NRG1: variants seen among roughly 807,000 people sequenced by gnomAD.
NRG1 encodes the protein neuregulin 1, also known as pro-neuregulin-1, membrane-bound isoform.
In NRG1, 18 loss-of-function variants were observed where a neutral mutation model predicts 63.8. That is an observed-to-expected ratio of 0.28 (90% CI 0.19 to 0.42). NRG1 has a LOEUF of 0.42. NRG1 is among the 10% of genes least tolerant of loss of function. NRG1 has a pLI of 1.00. For synonymous variants in NRG1, 302 were observed against 301.3 expected (o/e 1.00, Z -0.02); for missense variants, 762 against 814.7 (o/e 0.94, Z 0.79).
At chr8:32,489,259 G>T (rs74687373) in intron 1 of NRG1, among the ~76,000 whole-genome samples, 1 of 152,096 alleles carries the variant, frequency 6.6e-6, no homozygotes, top group Admixed American at 6.6e-5. Context: ...GGCGTTCTTC[G>T]GGTGAATGCC....
chr8:31,961,372 G>A (rs149933077), intron 1 of NRG1, among the ~76,000 whole-genome samples: 1,578 of 152,216 alleles, frequency 0.01, 96 homozygotes, highest in Admixed American at 0.093. Context: ...CAGCTTAAAA[G>A]CAGAAAGTTG....
chr8:32,473,342 C>T lies in NRG1; in HGVS notation c.38-122486C>T, dbSNP rs185954020. On this transcript the variant is annotated intron_variant, in intron 1 of 10. Coordinates refer to the NRG1 transcript ENST00000519301. ...TTGACTTCAGAAATAATCTGGTAAA[C>T]GAAATCTTTTCGAGGCTCTTCATTT... Among the ~76,000 whole-genome samples, 227 of 152,194 alleles carry T rather than the reference C, an allele frequency of 1.5e-3. 1 individual carries two copies. Among genetic ancestry groups the T allele is most frequent in the Non-Finnish European group, 2.6e-3 (178 of 68,006 alleles).
chr8:32,106,292 A>G (rs1297308488), intron 1 of NRG1, among the ~76,000 whole-genome samples: 1 of 152,206 alleles, frequency 6.6e-6, no homozygotes, highest in East Asian at 1.9e-4. Flanking sequence ...TAGCATCCAG[A>G]CAGCTTGTGC....
intron 1 of NRG1, among the ~76,000 whole-genome samples, chr8:31,885,832 T>C (rs1830677612): frequency 6.6e-6 from 1 of 152,090 alleles, no homozygotes; most frequent in Admixed American, 6.6e-5. Flanking sequence ...AGTACACCAC[T>C]GTATTACTCC....
intron 1 of NRG1, among the ~76,000 whole-genome samples, chr8:32,000,372 CT>C (rs1204639824): frequency 4.6e-5 from 7 of 150,922 alleles, no homozygotes; most frequent in Non-Finnish European, 7.4e-5. Flanking sequence ...TCACCTTGTT[CT>C]TTTTTTTTAA....
At chr8:32,460,770 A>G (rs1387164504) in intron 1 of NRG1, among the ~76,000 whole-genome samples, 1 of 152,192 alleles carries the variant, frequency 6.6e-6, no homozygotes, top group Admixed American at 6.5e-5. Flanking sequence ...TCCCTTCTTC[A>G]TCCGAATACA....
At chr8:32,486,627 A>AATTTTTTTTTTTTTTTTTT (rs71208187) in intron 1 of NRG1, among the ~76,000 whole-genome samples, 1 of 145,518 alleles carries the variant, frequency 6.9e-6, no homozygotes, top group Non-Finnish European at 1.5e-5. Flanking sequence ...GAATTGCTGG[A>AATTTTTTTTTTTTTTTTTT]TTTTTTTTTT....
chr8:31,642,979 A>AGTGTGTGT (rs34942505), intron 1 of NRG1, among the ~76,000 whole-genome samples: 4,557 of 151,056 alleles, frequency 0.03, 199 homozygotes, highest in African/African-American at 0.11. Context: ...TGAGTGTAAA[A>AGTGTGTGT]GTGTGTGTGT....
rs536320109 is a variant in NRG1 at position 32,142,666 on chromosome 8, G to T, written c.38-453162G>T. Among the ~76,000 whole-genome samples, 4 of 152,240 alleles carry T rather than the reference G, an allele frequency of 2.6e-5. No individual in the cohort carries two copies. In the South Asian group the frequency reaches 8.3e-4, roughly 32 times the overall value. On this transcript the variant is annotated intron_variant, in intron 1 of 10. Transcript: ENST00000519301. The stretch of plus-strand genomic sequence containing the variant: ...CAACAATTCTTTTTTCTTATACACA[G>T]GATTGAAGCACAGAGCAAAAGGAAA...
At chr8:31,660,118 C>CGTATGTGA (rs1805829410) in intron 1 of NRG1, among the ~76,000 whole-genome samples, 1 of 152,118 alleles carries the variant, frequency 6.6e-6, no homozygotes, top group Non-Finnish European at 1.5e-5. Context: ...TGAAACGCAA[C>CGTATGTGA]GTATGTGACA....
intron 5 of NRG1, among the ~76,000 whole-genome samples, chr8:32,685,713 G>A (rs956472513): frequency 6.6e-6 from 1 of 152,142 alleles, no homozygotes; most frequent in African/African-American, 2.4e-5. Flanking sequence ...AGCTGATGAC[G>A]CATAAGAGTA....
At chr8:32,661,376 G>A (rs750379860) in intron 5 of NRG1, among the ~76,000 whole-genome samples, 5 of 152,156 alleles carry the variant, frequency 3.3e-5, no homozygotes, top group East Asian at 1.9e-4. Context: ...AAATTAATGC[G>A]ATGATGGGTC....
chr8:32,658,286 T>G (rs547376833), intron 5 of NRG1, among the ~76,000 whole-genome samples: 2 of 152,228 alleles, frequency 1.3e-5, no homozygotes, highest in South Asian at 4.1e-4. Context: ...TTTGTCACCT[T>G]GAAACTTTTT....
At chr8:31,851,092 T>C (rs1827168788) in intron 1 of NRG1, among the ~76,000 whole-genome samples, 1 of 152,192 alleles carries the variant, frequency 6.6e-6, no homozygotes, top group African/African-American at 2.4e-5. Flanking sequence ...CATAAAGAGA[T>C]AGGACATCTG....
chr8:32,548,275 G>A (rs1238398921), exon 1 of NRG1: 9 of 986,818 alleles, frequency 9.1e-6, no homozygotes, highest in Non-Finnish European at 1.2e-6. Flanking sequence ...GGGTGGCTGC[G>A]GGGCAATTGA....
At position 31,856,863 on chromosome 8, in the gene NRG1, T is replaced by C. The variant is rs182371388; in HGVS notation, c.37+217432T>C. Among the ~76,000 whole-genome samples, 64 of 152,272 alleles carry C rather than the reference T, an allele frequency of 4.2e-4. 1 individual carries two copies. The East Asian group carries it at 0.012, about 29-fold the overall frequency. ...ACCCTCAGCTGCACTTCTGTTGGAG[T>C]ACCCGGCCGTGTGAGGTGTCAGTCT... On this transcript the variant is annotated intron_variant, in intron 1 of 10. Transcript: ENST00000519301.
chr8:32,009,308 A>G (rs952436724), intron 1 of NRG1, among the ~76,000 whole-genome samples: 1 of 151,992 alleles, frequency 6.6e-6, no homozygotes, highest in African/African-American at 2.4e-5. Flanking sequence ...TAGTCTGCTG[A>G]TTTTAAGGTA....
At chr8:32,536,181 A>G (rs1256515189) in intron 1 of NRG1, among the ~76,000 whole-genome samples, 1 of 152,162 alleles carries the variant, frequency 6.6e-6, no homozygotes, top group Admixed American at 6.5e-5. Context: ...ACCAGGCTGA[A>G]ATCAAGGTGT....
intron 1 of NRG1, among the ~76,000 whole-genome samples, chr8:31,849,491 G>C (rs1827010113): frequency 6.6e-6 from 1 of 152,104 alleles, no homozygotes; most frequent in Non-Finnish European, 1.5e-5. Flanking sequence ...ACTCACTCTT[G>C]GTCACCATGA....
Sources: allele counts gnomAD v4.1 joint callset (sites outside exome capture counted in the v4.1 genomes callset), GRCh38; gene constraint gnomAD v4.1.1; transcripts MANE v1.5; gene names NCBI Gene and HGNC (gene_info 2026-07-23, HGNC 2026-07-21).